TBL1XR1: variants seen among roughly 807,000 people sequenced by gnomAD.
TBL1XR1 encodes TBL1X/Y related 1.
In TBL1XR1, 5 loss-of-function variants were observed where a neutral mutation model predicts 66.9. The ratio of observed to expected loss-of-function variants is 0.07; its 90% CI spans 0.04 to 0.16. TBL1XR1 has a LOEUF of 0.16. TBL1XR1 is among the 10% of genes least tolerant of loss of function. The pLI is 1.00. For synonymous variants in TBL1XR1, 210 were observed against 206.0 expected, an observed-to-expected ratio of 1.02 and a Z score of -0.17; for missense variants, 238 against 623.2, an observed-to-expected ratio of 0.38 and a Z score of 6.58.
intron 2 of TBL1XR1, among the ~76,000 whole-genome samples, chr3:177,077,986 G>C (rs1468558445): frequency 2.6e-5 from 4 of 152,296 alleles, no homozygotes; most frequent in Admixed American, 1.3e-4. Context: ...TTCTTCAACT[G>C]TGAAAGAGAA....
At chr3:177,053,106 A>C (rs1417454498) in intron 4 of TBL1XR1, among the ~76,000 whole-genome samples, 1 of 152,174 alleles carries the variant, frequency 6.6e-6, no homozygotes, top group Non-Finnish European at 1.5e-5. Flanking sequence ...CGTCACACAC[A>C]AAACAAAACA....
chr3:177,033,844 T>C (rs1214441441), intron 13 of TBL1XR1, among the ~76,000 whole-genome samples: 2 of 152,008 alleles, frequency 1.3e-5, no homozygotes, highest in African/African-American at 2.4e-5. Flanking sequence ...AAACCAAATA[T>C]CATGTTCTGA....
intron 1 of TBL1XR1, chr3:177,195,659 A>T (rs1736752641): frequency 6.6e-6 from 1 of 151,944 alleles, no homozygotes; most frequent in Non-Finnish European, 1.5e-5. Context: ...AAACTGGTGA[A>T]GAAGCCTTTA....
rs1457809407 is a variant in TBL1XR1 at position 177,024,300 on chromosome 3, A to G, written c.*1198T>C. 1 of 152,602 alleles carries G rather than the reference A, an allele frequency of 6.6e-6. No individual in the cohort carries two copies. The highest frequency in any genetic ancestry group is 1.5e-5 in the Non-Finnish European group (1 of 68,002). 9.5% of individuals were successfully genotyped at this position (152,602 alleles called of 1,614,324 possible). ...AGATTGTTTTTTAAACTAAGGTAGC[A>G]AACATTTTGCCATGTAATGGCAGTG... is the stretch of plus-strand genomic sequence containing the variant. On this transcript the variant is annotated 3_prime_UTR_variant, in exon 16 of 16. Coordinates refer to ENST00000457928, the MANE Select transcript of TBL1XR1 (RefSeq NM_024665.7).
chr3:177,162,587 G>A (rs1009093675), intron 1 of TBL1XR1, among the ~76,000 whole-genome samples: 3 of 152,134 alleles, frequency 2.0e-5, no homozygotes, highest in African/African-American at 7.2e-5. Context: ...ACTGGGGTGG[G>A]TTACATGGTC....
intron 2 of TBL1XR1, among the ~76,000 whole-genome samples, chr3:177,069,724 G>C (rs1719632924): frequency 6.8e-6 from 1 of 147,138 alleles, no homozygotes; most frequent in East Asian, 2.0e-4. Flanking sequence ...GGGCAACAGA[G>C]GAAAACTCTG....
intron 1 of TBL1XR1, among the ~76,000 whole-genome samples, chr3:177,183,787 G>C (rs1735098978): frequency 1.3e-5 from 2 of 150,544 alleles, no homozygotes; most frequent in African/African-American, 4.9e-5. Context: ...TTTTAAGAAA[G>C]GTACAATCTT....
intron 14 of TBL1XR1, among the ~76,000 whole-genome samples, chr3:177,029,276 A>T (rs1713599171): frequency 6.6e-6 from 1 of 152,128 alleles, no homozygotes; most frequent in South Asian, 2.1e-4. Flanking sequence ...AAAATAATCA[A>T]CTAATTTTAA....
chr3:177,095,137 G>T (rs547852203), intron 2 of TBL1XR1, among the ~76,000 whole-genome samples: 196 of 151,940 alleles, frequency 1.3e-3, no homozygotes, highest in African/African-American at 4.5e-3. Context: ...AATAGTATAT[G>T]GTGCTACCTA....
chr3:177,047,256 G>T, intron 9 of TBL1XR1, 44 bp downstream of exon 9: 1 of 1,454,106 alleles, frequency 6.9e-7, no homozygotes, highest in Non-Finnish European at 9.3e-7. Context: ...TTTCAATTAA[G>T]CTCTGTAATA....
rs1341327362 is a variant in TBL1XR1 at position 177,020,926 on chromosome 3, T to A, written c.*4572A>T. On this transcript the variant is annotated 3_prime_UTR_variant, in exon 16 of 16. Coordinates refer to ENST00000457928, the MANE Select transcript of TBL1XR1 (RefSeq NM_024665.7). ...CATTGTGATGTGGAACTAAAATACG[T>A]CGTAAGTGTAATTAACATGGTCCAG... 6.6e-6 allele frequency: 1 copy of A among 152,112 alleles called. No individual in the cohort carries two copies. Among genetic ancestry groups the A allele is most frequent in the African/African-American group, 2.4e-5 (1 of 41,412 alleles). The allele number at this position is 152,112 out of a possible 1,614,324, so 9.4% of individuals were successfully genotyped here. A position where few individuals can be genotyped will look rare whatever the true frequency, so the allele number is the denominator to read the frequency against.
intron 14 of TBL1XR1, among the ~76,000 whole-genome samples, chr3:177,028,303 GT>G (rs1713447699): frequency 6.6e-6 from 1 of 152,160 alleles, no homozygotes; most frequent in Non-Finnish European, 1.5e-5. Flanking sequence ...GTTTGAAAAA[GT>G]AAGACTTTTG....
At chr3:177,192,040 C>G (rs1736207300) in intron 1 of TBL1XR1, among the ~76,000 whole-genome samples, 1 of 148,416 alleles carries the variant, frequency 6.7e-6, no homozygotes, top group African/African-American at 2.5e-5. Context: ...TTGCAGTGAG[C>G]CGAGATCGCA....
rs562716398 is a variant in TBL1XR1, at chr3:177,145,821, T to C, written c.-121-47280A>G. ...TTATCTTCTCCAGGTGTTGAACATA[T>C]AGTTGCAAAGGGCAGTCTTAGTTTT... On this transcript the variant is annotated intron_variant, in intron 1 of 15. Coordinates refer to ENST00000457928, the MANE Select transcript of TBL1XR1 (RefSeq NM_024665.7). Among the ~76,000 whole-genome samples the C allele has an allele frequency of 5.3e-5, 8 of 152,352 alleles. No homozygotes were observed. In the South Asian group the frequency reaches 1.4e-3, roughly 28 times the overall value.
intron 2 of TBL1XR1, among the ~76,000 whole-genome samples, chr3:177,086,414 A>G (rs1235849859): frequency 6.6e-6 from 1 of 151,884 alleles, no homozygotes; most frequent in Non-Finnish European, 1.5e-5. Context: ...CAGACATGAA[A>G]CGGTGGGGGA....
At chr3:177,112,953 C>T (rs994904262) in intron 1 of TBL1XR1, among the ~76,000 whole-genome samples, 1 of 151,930 alleles carries the variant, frequency 6.6e-6, no homozygotes, top group Non-Finnish European at 1.5e-5. Context: ...GCAGAGGTTG[C>T]TGTGAGCAGA....
intron 1 of TBL1XR1, among the ~76,000 whole-genome samples, chr3:177,179,117 C>CAAAAAAAAAAAAAAAAAA (rs71178099): frequency 9.3e-6 from 1 of 107,448 alleles, no homozygotes; most frequent in Non-Finnish European, 1.8e-5. Context: ...AACTACGTCT[C>CAAAAAAAAAAAAAAAAAA]AAAAAAAAAA....
At chr3:177,123,519 T>C (rs1727239520) in intron 1 of TBL1XR1, among the ~76,000 whole-genome samples, 1 of 152,096 alleles carries the variant, frequency 6.6e-6, no homozygotes, top group Admixed American at 6.6e-5. Flanking sequence ...GGTTTTCCTA[T>C]TTAAAAGATT....
chr3:177,120,975 A>G (rs568760335), intron 1 of TBL1XR1, among the ~76,000 whole-genome samples: 1 of 152,330 alleles, frequency 6.6e-6, no homozygotes, highest in Admixed American at 6.5e-5. Context: ...AGCTACACAA[A>G]AGAGCTGAGA....
Sources: gnomAD v4.1 joint callset for allele counts (sites outside exome capture counted in the v4.1 genomes callset) on GRCh38, gnomAD v4.1.1 for gene constraint, MANE v1.5 for transcripts, NCBI Gene and HGNC (gene_info 2026-07-23, HGNC 2026-07-21) for gene names.